CYP4V2: variants seen among roughly 807,000 people sequenced by gnomAD.
CYP4V2 encodes the protein cytochrome P450 4V2.
CYP4V2 carries 55 observed loss-of-function variants against 60.8 expected under a neutral mutation model. The ratio of observed to expected loss-of-function variants is 0.90; its 90% CI spans 0.73 to 1.13. The LOEUF is 1.13. Ranked by LOEUF, CYP4V2 falls within the 50% of genes most tolerant of loss-of-function variation. CYP4V2 has a pLI of 0.00. For synonymous variants in CYP4V2, 239 were observed against 236.8 expected (o/e 1.01, Z -0.08); for missense variants, 675 against 662.9 (o/e 1.02, Z -0.20).
rs1006582614 is a variant in CYP4V2, at chr4:186,191,914, C to T, written c.91C>T (p.Leu31=). ...TTCCCTGGCCGGCGCCAGTCTGGTC[C>T]TGAGCCTGCTGCAGAGGGTGGCGAG... ...ALSLAGASLV[L]SLLQRVASYA... is the part of the protein sequence containing the mutation. The change falls in exon 1 of 11, where the codon CTG becomes TTG. Residue 31 remains leucine, a synonymous_variant. Coordinates refer to ENST00000378802, the MANE Select transcript of CYP4V2 (RefSeq NM_207352.4). 5 of 1,593,986 alleles carry T rather than the reference C, an allele frequency of 3.1e-6. No individual in the cohort carries two copies. Among genetic ancestry groups the T allele is most frequent in the Admixed American group, 3.4e-5 (2 of 58,324 alleles).
intron 3 of CYP4V2, chr4:186,196,643 C>G (rs543953896): frequency 5.6e-6 from 2 of 354,958 alleles, no homozygotes; most frequent in African/African-American, 2.1e-5. Flanking sequence ...ATTAGAAACT[C>G]GGAACTTAGA....
At position 186,209,196 on chromosome 4, in the gene CYP4V2, G is replaced by C. The variant is rs150506310; in HGVS notation, c.1329G>C (p.Arg443=). 4 of 1,614,020 alleles carry C rather than the reference G, an allele frequency of 2.5e-6. No individual in the cohort carries two copies. In the Admixed American group the frequency reaches 6.7e-5, roughly 27 times the overall value. ...ACCCCGAGGAGTTCCAGCCTGAGCG[G>C]TTCTTCCCCGAGAATGCACAAGGGC... is the stretch of plus-strand genomic sequence containing the variant. ...FPNPEEFQPE[R]FFPENAQGRH... is the part of the protein sequence containing the mutation. The change falls in exon 10 of 11, where the codon CGG becomes CGC. Residue 443 remains arginine (R), a synonymous_variant. Transcript: ENST00000378802.
Position 186,210,507 on chromosome 4 carries a change from T to C in CYP4V2, c.1444T>C (p.Ser482Pro), listed in dbSNP as rs757530466. The C allele has an allele frequency of 8.7e-6, 14 of 1,614,208 alleles. No homozygotes were observed. Among genetic ancestry groups the C allele is most frequent in the Non-Finnish European group, 1.1e-5 (13 of 1,180,026 alleles). The stretch of plus-strand genomic sequence containing the variant: ...TGTGATGGAAGAAAAGACCATTCTT[T>C]CGTGCATCCTGAGGCACTTTTGGAT... Reference protein sequence around the residue: ...FAVMEEKTILSCILRHFWIES... With the variant: ...FAVMEEKTILPCILRHFWIES... The change falls in exon 11 of 11, where the codon TCG becomes CCG. Residue 482 changes from serine (S) to proline (P), a missense_variant. By Grantham distance (74) the Ser-to-Pro change is moderately conservative (BLOSUM62 -1). Coordinates refer to ENST00000378802, the MANE Select transcript of CYP4V2 (RefSeq NM_207352.4).
chr4:186,196,026 A>C lies in CYP4V2; in HGVS notation c.351A>C (p.Gln117His). Residue 117 changes from glutamine (Q) to histidine (H), a missense_variant, in exon 3 of 11, where the codon CAA becomes CAC. Physicochemically the swap from Gln to His is conservative, Grantham distance 24 (BLOSUM62 0). Coordinates refer to ENST00000378802, the MANE Select transcript of CYP4V2 (RefSeq NM_207352.4). ...NVEVILTSSK[Q>H]IDKSSMYKFL... ...AGGTAATTTTAACTAGTTCAAAGCA[A>C]ATTGACAAATCCTCTATGTACAAGT... 6.2e-7 allele frequency: 1 copy of C among 1,613,994 alleles called. No individual in the cohort carries two copies. Among genetic ancestry groups the C allele is most frequent in the South Asian group, 1.1e-5 (1 of 91,076 alleles).
intron 1 of CYP4V2, 88 bp downstream of exon 1, chr4:186,192,125 G>A (rs532043235): frequency 3.4e-6 from 5 of 1,480,828 alleles, no homozygotes; most frequent in Non-Finnish European, 4.6e-6. Context: ...TGCTTGTGGC[G>A]CTGGCCGCAG....
chr4:186,207,559 A>T (rs1458584969), intron 8 of CYP4V2, among the ~76,000 whole-genome samples: 1 of 139,636 alleles, frequency 7.2e-6, no homozygotes, highest in African/African-American at 2.6e-5. Flanking sequence ...ATATATTAAA[A>T]TATATAAAAA....
intron 1 of CYP4V2, 53 bp from the exon 2 acceptor site, chr4:186,194,447 T>C: frequency 3.4e-6 from 5 of 1,456,916 alleles, no homozygotes; most frequent in Non-Finnish European, 2.9e-6. Context: ...TGTCCAATAC[T>C]GGTCACAACT....
rs936982309 is a variant in CYP4V2 at position 186,210,832 on chromosome 4, T to A, written c.*191T>A. ...GAGTTTTGTATTTTCTTTTTTCTTT[T>A]TTCTTTATTTTTTTTTTTTGAAACC... On this transcript the variant is annotated 3_prime_UTR_variant, in exon 11 of 11. Coordinates refer to ENST00000378802, the MANE Select transcript of CYP4V2 (RefSeq NM_207352.4). 6.6e-5 allele frequency: 47 copies of A among 706,844 alleles called. No individual in the cohort carries two copies. The highest frequency in any genetic ancestry group is 3.9e-4 in the East Asian group (14 of 35,508). The allele number at this position is 706,844 out of a possible 1,614,324, so 43.8% of individuals were successfully genotyped here. A position where few individuals can be genotyped will look rare whatever the true frequency, so the allele number is the denominator to read the frequency against.
chr4:186,204,364 AAG>A lies in CYP4V2; in HGVS notation c.988-833_988-832del, dbSNP rs1340194292. On this transcript the variant is annotated intron_variant, in intron 7 of 10. Coordinates refer to ENST00000378802, the MANE Select transcript of CYP4V2 (RefSeq NM_207352.4). ...GGCGGTGGAGGCGCTACGCTGGCGT[AAG>A]AGGCGGCGGTGGAGGCGCTACGCTG... 238 of 119,994 alleles carry A rather than the reference AAG, an allele frequency of 2.0e-3. 21 individuals carry two copies. Among genetic ancestry groups the A allele is most frequent in the South Asian group, 4.7e-3 (42 of 9,026 alleles). The allele number at this position is 119,994 out of a possible 1,614,324, so 7.4% of individuals were successfully genotyped here.
chr4:186,196,280 G>A, intron 3 of CYP4V2, 192 bp downstream of exon 3: 1 of 635,218 alleles, frequency 1.6e-6, no homozygotes, highest in Non-Finnish European at 2.8e-6. Context: ...GAGTCCAGGT[G>A]AACAGTTATC....
intron 7 of CYP4V2, chr4:186,204,274 C>CTGGCGTAAGACGT (rs1561435439): frequency 5.1e-5 from 6 of 118,130 alleles, no homozygotes; most frequent in African/African-American, 1.0e-4. Context: ...GCGTAAGACG[C>CTGGCGTAAGACGT]GGCGGTGGAG....
chr4:186,211,793 A>G lies in CYP4V2; in HGVS notation c.*1152A>G, dbSNP rs541172620. The stretch of plus-strand genomic sequence containing the variant: ...AGTGGGACCAGTTATGACAAGAATA[A>G]TCATTATAGTACTTTTCAGATTTTA... On this transcript the variant is annotated 3_prime_UTR_variant, in exon 11 of 11. Coordinates refer to ENST00000378802, the MANE Select transcript of CYP4V2 (RefSeq NM_207352.4). The G allele has an allele frequency of 5.3e-5, 8 of 152,208 alleles. No individual in the cohort carries two copies. The highest frequency in any genetic ancestry group is 3.9e-4 in the Admixed American group (6 of 15,298). The allele number at this position is 152,208 out of a possible 1,614,324, so 9.4% of individuals were successfully genotyped here. A position where few individuals can be genotyped will look rare whatever the true frequency, so the allele number is the denominator to read the frequency against.
At chr4:186,209,347 A>C (rs1189056203) in intron 10 of CYP4V2, 75 bp downstream of exon 10, 90 of 1,581,330 alleles carry the variant, frequency 5.7e-5, no homozygotes, top group Admixed American at 1.2e-4. Flanking sequence ...TTTCTTTGAG[A>C]TGTGATGTGA....
intron 10 of CYP4V2, among the ~76,000 whole-genome samples, chr4:186,209,867 G>T (rs1305847048): frequency 6.6e-6 from 1 of 152,176 alleles, no homozygotes; most frequent in Admixed American, 6.5e-5. Flanking sequence ...ATGTTGTAGA[G>T]TTTTAATTAC....
In CYP4V2 at chr4:186,205,207, A is replaced by G. The variant is rs1242069743; in HGVS notation, c.995A>G (p.Asp332Gly). ...TGTTTTCTGCATTTGTAGGGGCACG[A>G]TACAACTGCAGCTGCAATAAACTGG... is the stretch of plus-strand genomic sequence containing the variant. The part of the protein sequence containing the change: ...EVDTFMFEGH[D>G]TTAAAINWSL... The change falls in exon 8 of 11, where the codon GAT becomes GGT. Residue 332 changes from aspartate to glycine, a missense_variant. Transcript: ENST00000378802. 1.2e-6 allele frequency: 2 copies of G among 1,614,146 alleles called. No individual in the cohort carries two copies. Among genetic ancestry groups the G allele is most frequent in the African/African-American group, 2.7e-5 (2 of 74,952 alleles).
intron 8 of CYP4V2, among the ~76,000 whole-genome samples, chr4:186,206,226 T>C (rs920197159): frequency 1.3e-5 from 2 of 152,188 alleles, no homozygotes; most frequent in Non-Finnish European, 2.9e-5. Flanking sequence ...TGTGTGTGTG[T>C]GCATGTGTGT....
intron 1 of CYP4V2, chr4:186,192,399 T>C (rs954682012): frequency 1.6e-5 from 7 of 438,852 alleles, no homozygotes; most frequent in African/African-American, 1.2e-4. Flanking sequence ...GGTTTTAAAC[T>C]GGCCAACACC....
chr4:186,197,492 G>A (rs766926054), intron 4 of CYP4V2, 41 bp from the exon 5 acceptor site: 9 of 1,591,624 alleles, frequency 5.7e-6, no homozygotes, highest in Admixed American at 3.3e-5. Context: ...GATAACTAAC[G>A]TGCGTGAATT....
At chr4:186,208,731 C>G in intron 8 of CYP4V2, 134 bp from the exon 9 acceptor site, 1 of 1,260,636 alleles carries the variant, frequency 7.9e-7, no homozygotes, top group South Asian at 1.2e-5. Context: ...CTGCCTTGAT[C>G]CACGTGTTCT....
Sources: gnomAD v4.1 joint callset for allele counts (sites outside exome capture counted in the v4.1 genomes callset) on GRCh38, gnomAD v4.1.1 for gene constraint, MANE v1.5 for transcripts, NCBI Gene and HGNC (gene_info 2026-07-23, HGNC 2026-07-21) for gene names.